SH3BGRL2: variants seen among roughly 807,000 people sequenced by gnomAD.
SH3BGRL2 encodes the protein SH3 domain-binding glutamic acid-rich-like protein 2.
In SH3BGRL2, 21 loss-of-function variants were observed where a neutral mutation model predicts 14.8. The ratio of observed to expected loss-of-function variants is 1.42; its 90% CI spans 1.01 to 2.05. The LOEUF (loss-of-function observed/expected upper bound fraction) is 2.05, where lower values mean the gene tolerates loss of function less well. Among genes scored for constraint, SH3BGRL2 ranks in the 30% most tolerant of loss-of-function variants. SH3BGRL2 has a pLI of 0.00. For missense variants in SH3BGRL2, 147 were observed against 130.8 expected, an observed-to-expected ratio of 1.12 and a Z score of -0.61; for synonymous variants, 50 against 47.8, an observed-to-expected ratio of 1.05 and a Z score of -0.19.
chr6:79,682,605 T>G (rs189315708), intron 2 of SH3BGRL2, among the ~76,000 whole-genome samples: 17 of 152,290 alleles, frequency 1.1e-4, no homozygotes. Context: ...AAAACCGGAG[T>G]TGGGTTTCTC....
At chr6:79,628,351 C>CA (rs1033973367), upstream of SH3BGRL2, among the ~76,000 whole-genome samples, 93 of 142,872 alleles carry the variant, frequency 6.5e-4, no homozygotes, top group Middle Eastern at 3.6e-3. Context: ...CTTACTCCCA[C>CA]AAAAAAAAAA....
chr6:79,613,148 A>G, the SH3BGRL2 span, among the ~76,000 whole-genome samples: 1 of 152,242 alleles, frequency 6.6e-6, no homozygotes, highest in Non-Finnish European at 1.5e-5. Context: ...CATTCTGTTT[A>G]GATCACAGCT....
In SH3BGRL2 at chr6:79,696,580, T is replaced by C. The variant is rs1415773979; in HGVS notation, c.312+15T>C. ...TGGCATCAAAGGTAGGTAAATCTTT[T>C]CTTATTCTTGTTTTAGAATTCATCT... On this transcript the variant is annotated intron_variant, in intron 3 of 3. Coordinates refer to ENST00000369838, the MANE Select transcript of SH3BGRL2 (RefSeq NM_031469.4). 1 of 1,531,268 alleles carries C rather than the reference T, an allele frequency of 6.5e-7. No individual in the cohort carries two copies. The highest frequency in any genetic ancestry group is 8.8e-7 in the Non-Finnish European group (1 of 1,138,832). 94.9% of individuals were successfully genotyped at this position (1,531,268 alleles called of 1,614,324 possible).
At chr6:79,561,991 G>T in the SH3BGRL2 span, among the ~76,000 whole-genome samples, 1 of 152,206 alleles carries the variant, frequency 6.6e-6, no homozygotes, top group African/African-American at 2.4e-5. Flanking sequence ...AAAGGATCAA[G>T]AGTAAGGAGA....
the SH3BGRL2 span, among the ~76,000 whole-genome samples, chr6:79,566,651 A>G: frequency 1.3e-5 from 2 of 152,192 alleles, no homozygotes; most frequent in African/African-American, 4.8e-5. Context: ...CATAATATCT[A>G]GAACAGGGCC....
At chr6:79,658,822 A>G (rs565212948) in intron 1 of SH3BGRL2, among the ~76,000 whole-genome samples, 16 of 152,280 alleles carry the variant, frequency 1.1e-4, no homozygotes, top group Admixed American at 1.0e-3. Context: ...CTGACTTTTA[A>G]TGATTGCCAT....
Position 79,699,492 on chromosome 6 carries a change from T to TTTTTTTC in SH3BGRL2, c.313-5_313-4insTTTTTCT. On this transcript the variant is annotated splice_polypyrimidine_tract_variant and splice_region_variant and intron_variant, in intron 3 of 3. Transcript: ENST00000369838. ...TTTTTTTTTTTTTTTTTTTTTTTTTTTATAGGCAGAACCTTAGAGAAGAAG... is the reference window on the plus strand; with the variant it reads ...TTTTTTTTTTTTTTTTTTTTTTTTTTTTTTTTCTATAGGCAGAACCTTAGAGAAGAAG... 6.8e-7 allele frequency: 1 copy of TTTTTTTC among 1,471,426 alleles called. No homozygotes were observed. Among genetic ancestry groups the TTTTTTTC allele is most frequent in the Non-Finnish European group, 9.0e-7 (1 of 1,111,472 alleles). The allele number at this position is 1,471,426 out of a possible 1,614,324, so 91.1% of individuals were successfully genotyped here.
chr6:79,631,178 G>T (rs3812155), upstream of SH3BGRL2: 3 of 352,268 alleles, frequency 8.5e-6, no homozygotes, highest in Non-Finnish European at 1.0e-5. Context: ...GTCAGGAGGG[G>T]AGCTCAGTCC....
At chr6:79,619,404 T>G in the SH3BGRL2 span, among the ~76,000 whole-genome samples, 27 of 152,234 alleles carry the variant, frequency 1.8e-4, no homozygotes, top group African/African-American at 4.8e-4. Flanking sequence ...CCTCATTCTT[T>G]ATTGTTACTG....
chr6:79,553,697 TGTG>T, the SH3BGRL2 span, among the ~76,000 whole-genome samples: 5 of 152,014 alleles, frequency 3.3e-5, no homozygotes, highest in Non-Finnish European at 7.4e-5. Flanking sequence ...CTGGGCCAGG[TGTG>T]GTGGCTCACG....
the SH3BGRL2 span, chr6:79,561,598 C>G: frequency 2.6e-5 from 4 of 152,188 alleles, no homozygotes; most frequent in African/African-American, 9.7e-5. Context: ...AAAGATTTTA[C>G]TACACTGGAC....
At chr6:79,615,892 G>A in the SH3BGRL2 span, among the ~76,000 whole-genome samples, 2 of 137,456 alleles carry the variant, frequency 1.5e-5, no homozygotes, top group South Asian at 2.3e-4. Flanking sequence ...GAGTGCAATG[G>A]TGCAATCTCC....
the SH3BGRL2 span, among the ~76,000 whole-genome samples, chr6:79,577,094 T>G: frequency 3.0e-4 from 45 of 152,338 alleles, no homozygotes; most frequent in African/African-American, 1.1e-3. Context: ...GAAAAATAAC[T>G]TGTCAGTTGT....
At chr6:79,615,393 A>C in the SH3BGRL2 span, among the ~76,000 whole-genome samples, 71,808 of 152,060 alleles carry the variant, frequency 0.47, 17,364 homozygotes, top group East Asian at 0.77. Context: ...GATTTCTGTG[A>C]AGCCTCTTCT....
At chr6:79,633,274 T>G (rs1768860652) in intron 1 of SH3BGRL2, among the ~76,000 whole-genome samples, 1 of 152,198 alleles carries the variant, frequency 6.6e-6, no homozygotes. Context: ...GAGTTTCTCT[T>G]CTGTAAAATG....
the SH3BGRL2 span, among the ~76,000 whole-genome samples, chr6:79,551,364 AT>A: frequency 6.6e-6 from 1 of 152,200 alleles, no homozygotes; most frequent in Non-Finnish European, 1.5e-5. Context: ...GTCATCTGGG[AT>A]CTTTTTGGTC....
the SH3BGRL2 span, among the ~76,000 whole-genome samples, chr6:79,567,222 T>C: frequency 6.6e-6 from 1 of 151,142 alleles, no homozygotes; most frequent in Non-Finnish European, 1.5e-5. Context: ...TATAGAAAAA[T>C]TATAATGAAT....
At chr6:79,557,346 C>T in the SH3BGRL2 span, among the ~76,000 whole-genome samples, 1 of 151,698 alleles carries the variant, frequency 6.6e-6, no homozygotes, top group African/African-American at 2.4e-5. Context: ...AATATTAATA[C>T]CTATCTGTAA....
the SH3BGRL2 span, among the ~76,000 whole-genome samples, chr6:79,567,569 G>A: frequency 6.6e-6 from 1 of 152,190 alleles, no homozygotes; most frequent in African/African-American, 2.4e-5. Flanking sequence ...TTAATAAACA[G>A]TGCCTGGAAA....
Sources: allele counts gnomAD v4.1 joint callset (sites outside exome capture counted in the v4.1 genomes callset), GRCh38; gene constraint gnomAD v4.1.1; transcripts MANE v1.5; gene names NCBI Gene and HGNC (gene_info 2026-07-23, HGNC 2026-07-21).